Variants in R3HDM2 observed in about 807,000 individuals in gnomAD.
The protein encoded by R3HDM2 is R3H domain-containing protein 2.
Under a neutral mutation model 124.5 loss-of-function variants are expected in R3HDM2, and 38 were observed. The ratio of observed to expected loss-of-function variants is 0.31; its 90% CI spans 0.24 to 0.40. R3HDM2 has a LOEUF of 0.40. R3HDM2 is among the 10% of genes least tolerant of loss of function. The pLI is 1.00. For synonymous variants in R3HDM2, 391 were observed against 448.0 expected (o/e 0.87, Z 1.61); for missense variants, 869 against 1,236.9 (o/e 0.70, Z 4.46).
At chr12:57,336,594 A>C (rs1183786141) in intron 2 of R3HDM2, among the ~76,000 whole-genome samples, 1 of 152,200 alleles carries the variant, frequency 6.6e-6, no homozygotes, top group African/African-American at 2.4e-5. Flanking sequence ...GTTATCACTT[A>C]TAAGTGGGAG....
chr12:57,352,203 C>G (rs1593749500), intron 2 of R3HDM2, among the ~76,000 whole-genome samples: 1 of 137,568 alleles, frequency 7.3e-6, no homozygotes, highest in East Asian at 2.2e-4. Flanking sequence ...GATGGTGCCA[C>G]TGCACTCCAG....
chr12:57,355,550 A>C (rs2061190599), intron 2 of R3HDM2, among the ~76,000 whole-genome samples: 1 of 152,198 alleles, frequency 6.6e-6, no homozygotes, highest in African/African-American at 2.4e-5. Context: ...ACTCTGTCAA[A>C]AATCAACTGA....
intron 2 of R3HDM2, among the ~76,000 whole-genome samples, chr12:57,351,313 G>A (rs957594722): frequency 3.9e-5 from 6 of 152,108 alleles, no homozygotes; most frequent in Non-Finnish European, 8.8e-5. Context: ...GATGTAGAAC[G>A]AAGAGCTGCT....
chr12:57,278,126 A>G (rs1027802419), intron 14 of R3HDM2, among the ~76,000 whole-genome samples: 9 of 152,190 alleles, frequency 5.9e-5, no homozygotes, highest in African/African-American at 2.2e-4. Flanking sequence ...ATCACAATTA[A>G]TCTCAAGAAT....
chr12:57,283,803 G>T (rs1346691025), intron 13 of R3HDM2, 21 bp downstream of exon 13: 3 of 1,607,054 alleles, frequency 1.9e-6, no homozygotes, highest in Non-Finnish European at 1.7e-6. Context: ...GTATGACATG[G>T]AAGAAAAGAA....
At chr12:57,422,931 T>G (rs1376765653) in intron 1 of R3HDM2, among the ~76,000 whole-genome samples, 2 of 151,808 alleles carry the variant, frequency 1.3e-5, no homozygotes, top group East Asian at 3.9e-4. Flanking sequence ...CATGCCAGTT[T>G]ACTCCAGCCT....
Position 57,280,358 on chromosome 12 carries a change from C to T in R3HDM2, c.1344G>A (p.Gln448=), listed in dbSNP as rs201731066. The T allele has an allele frequency of 3.7e-6, 6 of 1,612,490 alleles. No homozygotes were observed. The highest frequency in any genetic ancestry group is 5.1e-6 in the Non-Finnish European group (6 of 1,179,088). The change falls in exon 14 of 24, where the codon CAG becomes CAA. Residue 448 remains glutamine, a splice_region_variant and synonymous_variant. Transcript: ENST00000402412. ...QPPLNNHMIS[Q]ADDLSNPFGQ... is the part of the protein sequence containing the mutation. ...ACTCTGACACTGAGTGGTGACTCAC[C>T]TGTGAGATCATGTGATTATTCAAGG...
chr12:57,283,477 G>A (rs893793117), intron 13 of R3HDM2, among the ~76,000 whole-genome samples: 2 of 152,138 alleles, frequency 1.3e-5, no homozygotes, highest in Admixed American at 6.6e-5. Context: ...GGTGACTCAC[G>A]CCTGTAATCC....
chr12:57,261,870 A>T (rs772418096), intron 19 of R3HDM2, among the ~76,000 whole-genome samples: 1 of 151,888 alleles, frequency 6.6e-6, no homozygotes, highest in Non-Finnish European at 1.5e-5. Context: ...GGGGTTGAAT[A>T]AGGAAATCAA....
At chr12:57,370,597 G>A (rs551112392) in intron 2 of R3HDM2, among the ~76,000 whole-genome samples, 8 of 152,052 alleles carry the variant, frequency 5.3e-5, no homozygotes, top group South Asian at 4.2e-4. Flanking sequence ...CCAAGATCGC[G>A]CCATTGCACT....
intron 14 of R3HDM2, among the ~76,000 whole-genome samples, chr12:57,274,016 G>A (rs2044153514): frequency 6.6e-6 from 1 of 152,144 alleles, no homozygotes; most frequent in Non-Finnish European, 1.5e-5. Flanking sequence ...CCTATTTTCT[G>A]TCAGACAATG....
chr12:57,310,720 CCCCA>C (rs2053726696), intron 2 of R3HDM2, among the ~76,000 whole-genome samples: 2 of 152,088 alleles, frequency 1.3e-5, no homozygotes, highest in South Asian at 4.1e-4. Flanking sequence ...GAAACCATCA[CCCCA>C]ATCAAAACAG....
At chr12:57,361,677 A>G (rs1483827003) in intron 2 of R3HDM2, among the ~76,000 whole-genome samples, 2 of 151,984 alleles carry the variant, frequency 1.3e-5, no homozygotes, top group African/African-American at 4.8e-5. Flanking sequence ...TGACAAAGTG[A>G]GACTGTCTCC....
rs530857060 is a variant in R3HDM2 at position 57,338,693 on chromosome 12, G to C, written c.-35-28230C>G. 6.4e-4 allele frequency among the ~76,000 whole-genome samples: 97 copies of C among 152,116 alleles called. 3 individuals carry two copies. In the South Asian group the frequency reaches 0.019, roughly 30 times the overall value. On this transcript the variant is annotated intron_variant, in intron 2 of 23. Coordinates refer to ENST00000402412, the MANE Select transcript of R3HDM2 (RefSeq NM_001394031.1). ...CTTACAAGTGTGAGCCACAATGCCTGGTCCTGATGTTCATTTTAAAAACTC... is the reference window on the plus strand; with the variant it reads ...CTTACAAGTGTGAGCCACAATGCCTCGTCCTGATGTTCATTTTAAAAACTC...
At chr12:57,321,922 A>G (rs1036353402) in intron 2 of R3HDM2, among the ~76,000 whole-genome samples, 13 of 152,100 alleles carry the variant, frequency 8.5e-5, no homozygotes, top group Admixed American at 7.9e-4. Context: ...ACATGGGTGA[A>G]TACAATTGTC....
In R3HDM2 at chr12:57,268,978, T is replaced by A; in HGVS notation, c.1819A>T (p.Met607Leu). 6.2e-7 allele frequency: 1 copy of A among 1,614,218 alleles called. No homozygotes were observed. The change falls in exon 17 of 24, where the codon ATG becomes TTG. Residue 607 changes from methionine (M) to leucine (L), a missense_variant. Met to Leu is a conservative substitution (Grantham distance 15). This residue lies in a region of R3HDM2 where 602 missense variants were observed against 789.2 expected (regional missense o/e 0.76). Coordinates refer to ENST00000402412, the MANE Select transcript of R3HDM2 (RefSeq NM_001394031.1). The part of the protein sequence containing the change: ...QGLLSSQRSS[M>L]GGQMQGLVVQ... ...ACCAGGCCTTGCATCTGGCCCCCCA[T>A]GCTGCTCCTCTGGCTGCTGAGCAGG...
chr12:57,367,858 T>C (rs373248672), intron 2 of R3HDM2, among the ~76,000 whole-genome samples: 4 of 152,272 alleles, frequency 2.6e-5, no homozygotes, highest in African/African-American at 9.6e-5. Flanking sequence ...TAATTGCTTA[T>C]TTTACAAACC....
At chr12:57,351,617 A>C (rs1266435894) in intron 2 of R3HDM2, among the ~76,000 whole-genome samples, 2 of 152,198 alleles carry the variant, frequency 1.3e-5, no homozygotes, top group African/African-American at 2.4e-5. Context: ...ACTAATTCCC[A>C]GATTTTCTAC....
rs183682758 is a variant in R3HDM2, at chr12:57,373,055, A to G, written c.-36+22694T>C. ...GAGACCCCCATCTCTACAAAAAATT[A>G]GCTGGACATGGTGGCACGTGCCTGT... On this transcript the variant is annotated intron_variant, in intron 2 of 23. Transcript: ENST00000402412. Among the ~76,000 whole-genome samples, 25 of 152,292 alleles carry G rather than the reference A, an allele frequency of 1.6e-4. No individual in the cohort carries two copies. In the East Asian group the frequency reaches 4.6e-3, roughly 28 times the overall value.
Sources: allele counts gnomAD v4.1 joint callset (sites outside exome capture counted in the v4.1 genomes callset), GRCh38; gene constraint gnomAD v4.1.1; regional missense constraint gnomAD v4.1.1; transcripts MANE v1.5; gene names NCBI Gene and HGNC (gene_info 2026-07-23, HGNC 2026-07-21).